Variants in OPCML observed in about 807,000 individuals in gnomAD.
OPCML encodes opioid binding protein/cell adhesion molecule like, also known as opioid-binding protein/cell adhesion molecule.
Under a neutral mutation model 37.8 loss-of-function variants are expected in OPCML, and 13 were observed. The ratio of observed to expected loss-of-function variants is 0.34; its 90% CI spans 0.22 to 0.55. The LOEUF (loss-of-function observed/expected upper bound fraction) is 0.55, where lower values mean the gene tolerates loss of function less well. OPCML is among the 20% of genes least tolerant of loss of function. OPCML has a pLI of 0.91. For synonymous variants in OPCML, 176 were observed against 168.8 expected (o/e 1.04, Z -0.33); for missense variants, 341 against 435.6 (o/e 0.78, Z 1.93).
At chr11:133,135,164 C>T (rs1949667975) in intron 1 of OPCML, among the ~76,000 whole-genome samples, 1 of 152,146 alleles carries the variant, frequency 6.6e-6, no homozygotes, top group Non-Finnish European at 1.5e-5. Flanking sequence ...AACGCATGGG[C>T]CTCTCATTTG....
At chr11:132,631,730 C>T (rs1159670548) in intron 3 of OPCML, among the ~76,000 whole-genome samples, 2 of 151,846 alleles carry the variant, frequency 1.3e-5, no homozygotes, top group Non-Finnish European at 2.9e-5. Context: ...ACTCTGTTTA[C>T]GTTTTTGAAA....
intron 1 of OPCML, among the ~76,000 whole-genome samples, chr11:133,011,499 T>G (rs1481366000): frequency 6.6e-6 from 1 of 152,174 alleles, no homozygotes; most frequent in African/African-American, 2.4e-5. Context: ...TACCCAGAGT[T>G]GACATGCTAT....
At chr11:132,652,349 AACACACACACAC>A (rs5795793) in intron 3 of OPCML, among the ~76,000 whole-genome samples, 3 of 142,538 alleles carry the variant, frequency 2.1e-5, no homozygotes, top group Non-Finnish European at 4.6e-5. Flanking sequence ...AAGAATGACA[AACACACACACAC>A]ACACACACAC....
chr11:132,996,658 T>C (rs1294078696), intron 1 of OPCML, among the ~76,000 whole-genome samples: 3 of 151,128 alleles, frequency 2.0e-5, no homozygotes, highest in South Asian at 4.2e-4. Context: ...TAACTTTCTA[T>C]GTATTTTTTT....
chr11:132,746,774 AG>A (rs1458916496), intron 2 of OPCML, among the ~76,000 whole-genome samples: 21 of 152,144 alleles, frequency 1.4e-4, no homozygotes, highest in Non-Finnish European at 1.5e-5. Flanking sequence ...GTAGGTATTA[AG>A]GACTTCCAGG....
chr11:133,412,805 A>C (rs150452749), intron 1 of OPCML, among the ~76,000 whole-genome samples: 275 of 152,322 alleles, frequency 1.8e-3, no homozygotes, highest in African/African-American at 6.0e-3. Context: ...GAGTCTGAGA[A>C]GTCTCTTTTT....
chr11:133,068,816 A>T (rs1948479398), intron 1 of OPCML, among the ~76,000 whole-genome samples: 1 of 152,174 alleles, frequency 6.6e-6, no homozygotes, highest in African/African-American at 2.4e-5. Flanking sequence ...CATTTTTTCC[A>T]TACTAGTGTC....
chr11:132,633,211 C>CT (rs548468076), intron 3 of OPCML, among the ~76,000 whole-genome samples: 10 of 152,164 alleles, frequency 6.6e-5, no homozygotes, highest in Non-Finnish European at 7.4e-5. Flanking sequence ...AGCTCTCTCT[C>CT]TTTTTTTCTG....
chr11:132,678,701 A>G (rs1173374881), intron 2 of OPCML, among the ~76,000 whole-genome samples: 2 of 152,202 alleles, frequency 1.3e-5, no homozygotes, highest in African/African-American at 2.4e-5. Flanking sequence ...AAACAGAAAA[A>G]CCATCAGTGG....
intron 2 of OPCML, among the ~76,000 whole-genome samples, chr11:132,755,803 C>T (rs1184983442): frequency 2.0e-5 from 3 of 152,142 alleles, no homozygotes; most frequent in Non-Finnish European, 4.4e-5. Context: ...AGCAACAACA[C>T]AGGTATATAT....
intron 2 of OPCML, among the ~76,000 whole-genome samples, chr11:132,756,607 G>A (rs777123740): frequency 6.6e-6 from 1 of 152,104 alleles, no homozygotes; most frequent in Non-Finnish European, 1.5e-5. Context: ...TTGGTAGCAT[G>A]AGAAATATAA....
At chr11:132,785,521 A>G (rs1183892454) in intron 2 of OPCML, among the ~76,000 whole-genome samples, 1 of 152,236 alleles carries the variant, frequency 6.6e-6, no homozygotes, top group Non-Finnish European at 1.5e-5. Flanking sequence ...TTCTCATTTA[A>G]AAGAGATAAA....
chr11:132,905,158 G>A (rs955098337), intron 2 of OPCML, among the ~76,000 whole-genome samples: 5 of 150,528 alleles, frequency 3.3e-5, no homozygotes, highest in African/African-American at 1.2e-4. Context: ...AGGCTCAGCT[G>A]TGTTATAGAA....
intron 7 of OPCML, among the ~76,000 whole-genome samples, chr11:132,430,757 C>A (rs1425161333): frequency 6.6e-6 from 1 of 152,182 alleles, no homozygotes; most frequent in Non-Finnish European, 1.5e-5. Context: ...AGTCTCCCCC[C>A]TCCGTCTTGG....
intron 1 of OPCML, among the ~76,000 whole-genome samples, chr11:133,246,744 T>C (rs1940939822): frequency 6.6e-6 from 1 of 152,222 alleles, no homozygotes; most frequent in Non-Finnish European, 1.5e-5. Context: ...ATAATTGTGT[T>C]ATAGAAAATA....
intron 1 of OPCML, among the ~76,000 whole-genome samples, chr11:133,210,455 T>C (rs1939306428): frequency 6.6e-6 from 1 of 152,154 alleles, no homozygotes; most frequent in African/African-American, 2.4e-5. Flanking sequence ...CTTTTTCTGG[T>C]CTGGGTTCTT....
chr11:132,557,669 C>T (rs2096398910), intron 3 of OPCML, among the ~76,000 whole-genome samples: 1 of 152,186 alleles, frequency 6.6e-6, no homozygotes, highest in Non-Finnish European at 1.5e-5. Flanking sequence ...ATTCAAAAAA[C>T]AGTACCTGAG....
At chr11:133,333,073 T>A (rs748321122) in intron 1 of OPCML, among the ~76,000 whole-genome samples, 1 of 149,588 alleles carries the variant, frequency 6.7e-6, no homozygotes. Flanking sequence ...AGTAGTAGTA[T>A]CTTGAGACAG....
intron 1 of OPCML, among the ~76,000 whole-genome samples, chr11:133,146,312 CTTTTTT>C (rs869237328): frequency 7.8e-6 from 1 of 128,716 alleles, no homozygotes; most frequent in Non-Finnish European, 1.6e-5. Context: ...TCCATCTTTT[CTTTTTT>C]TTTTTTTTTT....
Sources: allele counts gnomAD v4.1 joint callset (sites outside exome capture counted in the v4.1 genomes callset), GRCh38; gene constraint gnomAD v4.1.1; transcripts MANE v1.5; gene names NCBI Gene and HGNC (gene_info 2026-07-23, HGNC 2026-07-21).